The following ANXA4 variants were observed in gnomAD, a reference collection of about 807,000 sequenced individuals.
The protein encoded by ANXA4 is annexin A4.
Under a neutral mutation model 49.8 loss-of-function variants are expected in ANXA4, and 39 were observed. That is an observed-to-expected ratio of 0.78 (90% CI 0.61 to 1.02). The LOEUF (loss-of-function observed/expected upper bound fraction) is 1.02. Among genes scored for constraint, ANXA4 ranks in the 50% least tolerant of loss-of-function variants. ANXA4 has a pLI of 0.00. For synonymous variants in ANXA4, 134 were observed against 152.5 expected (o/e 0.88, Z 0.89); for missense variants, 360 against 410.1 (o/e 0.88, Z 1.05).
At chr2:69,720,311 G>A (rs536719500) in intron 2 of ANXA4, among the ~76,000 whole-genome samples, 18 of 152,246 alleles carry the variant, frequency 1.2e-4, no homozygotes, top group African/African-American at 2.9e-4. Flanking sequence ...CCCTCCTCTC[G>A]CTCCATCAGT....
intron 2 of ANXA4, among the ~76,000 whole-genome samples, chr2:69,658,937 C>A (rs59423694): frequency 0.021 from 3,165 of 152,262 alleles, 108 homozygotes; most frequent in African/African-American, 0.071. Context: ...ACCTCATGAT[C>A]CACCCGCCGT....
intron 1 of ANXA4, among the ~76,000 whole-genome samples, chr2:69,747,347 A>G (rs1425948287): frequency 7.9e-5 from 12 of 152,228 alleles, no homozygotes; most frequent in Non-Finnish European, 1.6e-4. Context: ...CTTTAGAGCT[A>G]TAAGCCCTTG....
intron 2 of ANXA4, among the ~76,000 whole-genome samples, chr2:69,658,116 G>A (rs1676573588): frequency 6.6e-6 from 1 of 151,878 alleles, no homozygotes; most frequent in Non-Finnish European, 1.5e-5. Context: ...AAAAAAAATA[G>A]GCGGGGCACA....
intron 1 of ANXA4, among the ~76,000 whole-genome samples, chr2:69,777,085 G>A (rs1309743454): frequency 6.6e-6 from 1 of 152,148 alleles, no homozygotes; most frequent in Non-Finnish European, 1.5e-5. Context: ...CAGCCAAATG[G>A]AAGAATGCAT....
rs1674470751 is a variant in ANXA4 at position 69,826,348 on chromosome 2, T to C, written c.*833T>C. 6.5e-6 allele frequency: 1 copy of C among 152,674 alleles called. No homozygotes were observed. The highest frequency in any genetic ancestry group is 3.2e-3 in the Middle Eastern group (1 of 316). The allele number at this position is 152,674 out of a possible 1,614,324, so 9.5% of individuals were successfully genotyped here. On this transcript the variant is annotated 3_prime_UTR_variant, in exon 13 of 13. Coordinates refer to ENST00000394295, the MANE Select transcript of ANXA4 (RefSeq NM_001153.5). ...AAAGAAAACTTTTTTGTGCTAAAAA[T>C]ACTTTTTAAAATCAATTTTGTTGAT...
At chr2:69,759,458 T>C (rs1028316113) in intron 1 of ANXA4, among the ~76,000 whole-genome samples, 2 of 152,206 alleles carry the variant, frequency 1.3e-5, no homozygotes, top group African/African-American at 4.8e-5. Flanking sequence ...AGATGATTGC[T>C]AAAGGCTTTC....
chr2:69,726,710 C>G (rs1469905670), intron 3 of ANXA4, among the ~76,000 whole-genome samples: 1 of 152,166 alleles, frequency 6.6e-6, no homozygotes, highest in Non-Finnish European at 1.5e-5. Flanking sequence ...ATGAATTGCA[C>G]TTGCTTTTGA....
In ANXA4 at chr2:69,812,655, TG is replaced by T. The variant is rs1558522304; in HGVS notation, c.483del (p.Arg162GlyfsTer12). On this transcript the variant is annotated frameshift_variant, in exon 8 of 13. Transcript: ENST00000394295. LOFTEE classifies it high-confidence loss of function. ...TTATTTGTTTTTCTCATCCTCAGGG[TG>T]GGAGGGATGAAGGAAATTATCTGGA... Reference protein sequence around the residue: ...QRVLVSLSAGGRDEGNYLDDA... With the variant: ...QRVLVSLSAGXRDEGNYLDDA... The T allele has an allele frequency of 6.2e-7, 1 of 1,613,320 alleles. No individual in the cohort carries two copies. The highest frequency in any genetic ancestry group is 1.7e-5 in the Admixed American group (1 of 59,988).
At chr2:69,794,727 T>A in intron 3 of ANXA4, among the ~76,000 whole-genome samples, 1 of 152,082 alleles carries the variant, frequency 6.6e-6, no homozygotes, top group East Asian at 1.9e-4. Flanking sequence ...CATGCCCAGC[T>A]AATTTTTTTT....
chr2:69,735,732 A>T (rs913218108), intron 3 of ANXA4, among the ~76,000 whole-genome samples: 5 of 152,190 alleles, frequency 3.3e-5, no homozygotes, highest in African/African-American at 7.2e-5. Flanking sequence ...CGCTCCAAAA[A>T]ATAACACTCA....
intron 2 of ANXA4, chr2:69,674,026 C>G (rs986325496): frequency 8.5e-5 from 13 of 152,208 alleles, no homozygotes; most frequent in African/African-American, 3.1e-4. Flanking sequence ...TTCTTACCTG[C>G]GGCCACCCTG....
chr2:69,691,972 G>A (rs949735302), intron 2 of ANXA4, among the ~76,000 whole-genome samples: 5 of 152,124 alleles, frequency 3.3e-5, no homozygotes, highest in South Asian at 2.1e-4. Context: ...TACAACCTCC[G>A]CCTCCCGGGT....
intron 3 of ANXA4, among the ~76,000 whole-genome samples, chr2:69,723,371 C>T (rs1669871376): frequency 6.6e-6 from 1 of 151,996 alleles, no homozygotes; most frequent in Non-Finnish European, 1.5e-5. Flanking sequence ...CTCCTGAACT[C>T]CAGAAGGCTT....
At chr2:69,732,619 G>A (rs1029428765) in intron 3 of ANXA4, among the ~76,000 whole-genome samples, 9 of 152,036 alleles carry the variant, frequency 5.9e-5, no homozygotes, top group Non-Finnish European at 1.3e-4. Flanking sequence ...TTAGTTGGGC[G>A]TGGTGGTGCA....
chr2:69,808,019 C>T, intron 6 of ANXA4, 23 bp downstream of exon 6: 1 of 1,610,296 alleles, frequency 6.2e-7, no homozygotes, highest in East Asian at 2.2e-5. Context: ...CGCAGTGGCC[C>T]TGGCTGAGGT....
intron 3 of ANXA4, 118 bp downstream of exon 3, chr2:69,788,259 G>A: frequency 1.1e-6 from 1 of 873,266 alleles, no homozygotes; most frequent in Non-Finnish European, 1.8e-6. Flanking sequence ...ACACAAGGGA[G>A]GCTGGGTGTG....
At chr2:69,761,963 A>G (rs1208682562) in intron 1 of ANXA4, among the ~76,000 whole-genome samples, 1 of 152,238 alleles carries the variant, frequency 6.6e-6, no homozygotes, top group Non-Finnish European at 1.5e-5. Flanking sequence ...CAACTAGATT[A>G]GTGATTACGT....
In ANXA4 at chr2:69,767,347, C is replaced by G. The variant is rs13394152; in HGVS notation, c.-46-14173C>G. Among the ~76,000 whole-genome samples the G allele has an allele frequency of 4.9e-3, 752 of 152,242 alleles. 4 individuals are homozygous for G. The highest frequency in any genetic ancestry group is 0.017 in the African/African-American group (710 of 41,536). ...GTTTCGACACTGGATTCAGATACCC[C>G]GAAGTCATGATGCATCAGTAGTCTC... On this transcript the variant is annotated intron_variant, in intron 1 of 12. Coordinates refer to ENST00000394295, the MANE Select transcript of ANXA4 (RefSeq NM_001153.5).
intron 1 of ANXA4, among the ~76,000 whole-genome samples, chr2:69,747,593 A>G (rs539845429): frequency 2.0e-5 from 3 of 152,270 alleles, no homozygotes; most frequent in Admixed American, 6.5e-5. Context: ...TTTTCGTACA[A>G]TTTCAAGGAG....
Sources: allele counts gnomAD v4.1 joint callset (sites outside exome capture counted in the v4.1 genomes callset), GRCh38; gene constraint gnomAD v4.1.1; transcripts MANE v1.5; gene names NCBI Gene and HGNC (gene_info 2026-07-23, HGNC 2026-07-21).